Variants in HS6ST3 observed in about 807,000 individuals in gnomAD.
HS6ST3 encodes heparan-sulfate 6-O-sulfotransferase 3.
Under a neutral mutation model 36.7 loss-of-function variants are expected in HS6ST3, and 12 were observed. The ratio of observed to expected loss-of-function variants is 0.33; its 90% confidence interval spans 0.21 to 0.53. HS6ST3 has a LOEUF of 0.53. HS6ST3 is among the 20% of genes least tolerant of loss of function. HS6ST3 has a pLI of 0.95. For missense variants in HS6ST3, 584 were observed against 640.9 expected, an observed-to-expected ratio of 0.91 and a Z score of 0.96; for synonymous variants, 240 against 257.5, an observed-to-expected ratio of 0.93 and a Z score of 0.65.
chr13:96,234,100 T>C (rs549428791), intron 1 of HS6ST3, among the ~76,000 whole-genome samples: 565 of 139,706 alleles, frequency 4.0e-3, no homozygotes, highest in Non-Finnish European at 6.3e-3. Flanking sequence ...TTTCATCTGT[T>C]AAAAAAAAAA....
At chr13:96,591,538 G>A (rs1442266110) in intron 1 of HS6ST3, among the ~76,000 whole-genome samples, 1 of 151,970 alleles carries the variant, frequency 6.6e-6, no homozygotes, top group Non-Finnish European at 1.5e-5. Flanking sequence ...TATATTATAT[G>A]TTGATTTTGT....
At chr13:96,150,908 A>G (rs2054081771) in intron 1 of HS6ST3, among the ~76,000 whole-genome samples, 1 of 152,246 alleles carries the variant, frequency 6.6e-6, no homozygotes, top group Non-Finnish European at 1.5e-5. Flanking sequence ...TAATGTGAAT[A>G]AACATATATG....
Position 96,502,397 on chromosome 13 carries a change from T to C in HS6ST3, c.708-330093T>C, listed in dbSNP as rs187738675. ...TTTCATCTGGCAGTTTTGAACACTT[T>C]AAATGGGAACAGATCACAAGTTCTG... On this transcript the variant is annotated intron_variant, in intron 1 of 1. Coordinates refer to ENST00000376705, the MANE Select transcript of HS6ST3 (RefSeq NM_153456.4). Among the ~76,000 whole-genome samples the C allele has an allele frequency of 7.7e-4, 117 of 151,862 alleles. 1 individual carries two copies. The highest frequency in any genetic ancestry group is 2.8e-3 in the African/African-American group (115 of 41,398).
chr13:96,402,141 A>G (rs945222756), intron 1 of HS6ST3, among the ~76,000 whole-genome samples: 5 of 152,266 alleles, frequency 3.3e-5, no homozygotes, highest in African/African-American at 7.2e-5. Context: ...ACCCAGTTCT[A>G]TTTAGGCCTC....
At chr13:96,127,482 T>TG (rs1301430933) in intron 1 of HS6ST3, among the ~76,000 whole-genome samples, 1 of 152,208 alleles carries the variant, frequency 6.6e-6, no homozygotes, top group African/African-American at 2.4e-5. Context: ...CAGGTGGTGT[T>TG]GCTCGCTTGC....
At chr13:96,663,075 C>T (rs1487109312) in intron 1 of HS6ST3, among the ~76,000 whole-genome samples, 1 of 152,136 alleles carries the variant, frequency 6.6e-6, no homozygotes, top group African/African-American at 2.4e-5. Flanking sequence ...CCGCTGTGCT[C>T]ACCCACAAAT....
chr13:96,611,084 T>A (rs1332628651), intron 1 of HS6ST3, among the ~76,000 whole-genome samples: 1 of 150,962 alleles, frequency 6.6e-6, no homozygotes, highest in East Asian at 1.9e-4. Context: ...TTTTTCCTTT[T>A]GTTTTCTTTA....
chr13:96,286,357 T>C (rs1337933363), intron 1 of HS6ST3, among the ~76,000 whole-genome samples: 1 of 152,200 alleles, frequency 6.6e-6, no homozygotes, highest in African/African-American at 2.4e-5. Flanking sequence ...TAGACCTACA[T>C]GCAGTCTTTG....
At chr13:96,672,200 A>C (rs1594832691) in intron 1 of HS6ST3, among the ~76,000 whole-genome samples, 1 of 152,122 alleles carries the variant, frequency 6.6e-6, no homozygotes, top group Admixed American at 6.5e-5. Flanking sequence ...TCCACTCCCA[A>C]TACAGATGTA....
At position 96,091,006 on chromosome 13, in the gene HS6ST3, G is replaced by T. The variant is rs1284004348; in HGVS notation, c.144G>T (p.Pro48=). ...GEQPRAGEAG[P]PAVPGPARRA... is the part of the protein sequence containing the mutation. The stretch of plus-strand genomic sequence containing the variant: ...AGCCCCGCGCGGGGGAGGCCGGCCC[G>T]CCCGCCGTCCCGGGTCCCGCCCGCC... Residue 48 remains proline, a synonymous_variant, in exon 1 of 2, where the codon CCG becomes CCT. Coordinates refer to ENST00000376705, the MANE Select transcript of HS6ST3 (RefSeq NM_153456.4). 2.3e-6 allele frequency: 3 copies of T among 1,294,036 alleles called. No homozygotes were observed. Among genetic ancestry groups the T allele is most frequent in the East Asian group, 3.0e-5 (1 of 33,286 alleles). The allele number at this position is 1,294,036 out of a possible 1,614,324, so 80.2% of individuals were successfully genotyped here. A position where few individuals can be genotyped will look rare whatever the true frequency, so the allele number is the denominator to read the frequency against.
chr13:96,426,444 T>C (rs2055587650), intron 1 of HS6ST3, among the ~76,000 whole-genome samples: 1 of 152,204 alleles, frequency 6.6e-6, no homozygotes, highest in Non-Finnish European at 1.5e-5. Flanking sequence ...TTTCTTGATG[T>C]TTCTTTCTGT....
intron 1 of HS6ST3, among the ~76,000 whole-genome samples, chr13:96,219,868 G>C (rs545711405): frequency 1.3e-5 from 2 of 152,258 alleles, no homozygotes; most frequent in Admixed American, 1.3e-4. Context: ...ATTTTTAGTA[G>C]AGATGGGGTT....
At chr13:96,821,233 C>G (rs1878527698) in intron 1 of HS6ST3, among the ~76,000 whole-genome samples, 5 of 152,214 alleles carry the variant, frequency 3.3e-5, no homozygotes. Flanking sequence ...TGTGTTCCTT[C>G]TGCTTCCTGT....
At position 96,148,770 on chromosome 13, in the gene HS6ST3, A is replaced by T. The variant is rs537777517; in HGVS notation, c.707+57201A>T. Among the ~76,000 whole-genome samples the T allele has an allele frequency of 1.6e-4, 24 of 152,358 alleles. No individual in the cohort carries two copies. In the South Asian group the frequency reaches 2.9e-3, roughly 18 times the overall value. On this transcript the variant is annotated intron_variant, in intron 1 of 1. Coordinates refer to ENST00000376705, the MANE Select transcript of HS6ST3 (RefSeq NM_153456.4). ...CAGGATGAAACCCAGGTAGCTACAC[A>T]GAGCTGCACATTGGAAATGTCCAAG...
chr13:96,166,918 A>C (rs58417050), intron 1 of HS6ST3, among the ~76,000 whole-genome samples: 2 of 152,040 alleles, frequency 1.3e-5, no homozygotes, highest in Non-Finnish European at 2.9e-5. Flanking sequence ...CATTTTTTAA[A>C]GGGGCTTTTA....
At chr13:96,427,907 G>A (rs1336091767) in intron 1 of HS6ST3, among the ~76,000 whole-genome samples, 4 of 152,148 alleles carry the variant, frequency 2.6e-5, no homozygotes, top group African/African-American at 4.8e-5. Context: ...CACAATTTGG[G>A]ATTATCTGAT....
chr13:96,490,331 G>A (rs1183548722), intron 1 of HS6ST3, among the ~76,000 whole-genome samples: 1 of 152,124 alleles, frequency 6.6e-6, no homozygotes, highest in Non-Finnish European at 1.5e-5. Context: ...AAAGAAGAAA[G>A]TAGAACATGT....
chr13:96,360,467 G>A (rs1055821390), intron 1 of HS6ST3, among the ~76,000 whole-genome samples: 3 of 151,948 alleles, frequency 2.0e-5, no homozygotes, highest in African/African-American at 7.3e-5. Context: ...CTGATATTTA[G>A]TACAGGCAGG....
intron 1 of HS6ST3, among the ~76,000 whole-genome samples, chr13:96,228,450 C>T (rs1208141910): frequency 6.6e-6 from 1 of 152,086 alleles, no homozygotes; most frequent in Non-Finnish European, 1.5e-5. Context: ...ATTTTCAGTA[C>T]AGACAGGGTT....
Sources: allele counts gnomAD v4.1 joint callset (sites outside exome capture counted in the v4.1 genomes callset), GRCh38; gene constraint gnomAD v4.1.1; transcripts MANE v1.5; gene names NCBI Gene and HGNC (gene_info 2026-07-23, HGNC 2026-07-21).